Variants in CCDC91 observed in about 807,000 individuals in gnomAD.
CCDC91 encodes coiled-coil domain-containing protein 91.
In CCDC91, 48 loss-of-function variants were observed where a neutral mutation model predicts 63.2. The observed-to-expected ratio is 0.76, with a 90% CI of 0.60 to 0.97. CCDC91 has a LOEUF of 0.97. CCDC91 is among the 50% of genes least tolerant of loss of function. The pLI is 0.00. For synonymous variants in CCDC91, 167 were observed against 165.8 expected (o/e 1.01, Z -0.06); for missense variants, 500 against 494.6 (o/e 1.01, Z -0.10).
intron 3 of CCDC91, among the ~76,000 whole-genome samples, chr12:28,305,323 A>G (rs957241898): frequency 2.0e-5 from 3 of 151,876 alleles, no homozygotes; most frequent in African/African-American, 4.8e-5. Context: ...AATATATAAT[A>G]TATATATATG....
chr12:28,457,797 T>G (rs1950119793), intron 11 of CCDC91, among the ~76,000 whole-genome samples: 2 of 152,162 alleles, frequency 1.3e-5, no homozygotes, highest in South Asian at 4.2e-4. Context: ...CTTATTGATT[T>G]TCATATTAAA....
chr12:28,365,314 G>C (rs889850863), intron 7 of CCDC91, among the ~76,000 whole-genome samples: 90 of 152,176 alleles, frequency 5.9e-4, no homozygotes, highest in African/African-American at 2.1e-3. Flanking sequence ...TACCAGTATT[G>C]AAATTTATAC....
At chr12:28,235,632 T>C (rs1316809322) in intron 1 of CCDC91, among the ~76,000 whole-genome samples, 4 of 150,868 alleles carry the variant, frequency 2.7e-5, no homozygotes, top group African/African-American at 9.7e-5. Flanking sequence ...AGCTCAGTAA[T>C]GTGTATAGAT....
chr12:28,292,115 A>G (rs553402348), intron 3 of CCDC91, among the ~76,000 whole-genome samples: 4 of 152,326 alleles, frequency 2.6e-5, no homozygotes, highest in South Asian at 2.1e-4. Flanking sequence ...CATCATTTCC[A>G]TGGTCTAAAA....
chr12:28,267,774 T>TATTAC lies in CCDC91; in HGVS notation c.109+8332_109+8333insATTAC, dbSNP rs1565699379. ...TACTATATAATTATATATAATTATA[T>TATTAC]TATTAATATATAATTATATATAATT... is the stretch of plus-strand genomic sequence containing the variant. On this transcript the variant is annotated intron_variant, in intron 3 of 12. Transcript: ENST00000536442. Among the ~76,000 whole-genome samples the TATTAC allele has an allele frequency of 3.2e-3, 50 of 15,466 alleles. 11 individuals are homozygous for TATTAC. The highest frequency in any genetic ancestry group is 7.1e-3 in the East Asian group (2 of 280). The allele number at this position is 15,466 out of a possible 152,430, so 10.1% of individuals were successfully genotyped here. A position where few individuals can be genotyped will look rare whatever the true frequency, so the allele number is the denominator to read the frequency against.
At chr12:28,305,114 G>T (rs565054654) in intron 3 of CCDC91, among the ~76,000 whole-genome samples, 9 of 152,154 alleles carry the variant, frequency 5.9e-5, no homozygotes, top group African/African-American at 1.9e-4. Flanking sequence ...CAAAGTAATT[G>T]TTCTTTCCCC....
chr12:28,548,995 A>G, intron 12 of CCDC91, 68 bp from the exon 13 acceptor site: 1 of 1,073,056 alleles, frequency 9.3e-7, no homozygotes, highest in Non-Finnish European at 1.4e-6. Context: ...TCAGAGACAT[A>G]ATATTCTTTA....
At chr12:28,529,096 G>A (rs928474066) in intron 12 of CCDC91, among the ~76,000 whole-genome samples, 14 of 152,230 alleles carry the variant, frequency 9.2e-5, no homozygotes, top group African/African-American at 2.6e-4. Context: ...AGGTTGGATT[G>A]TGAGAGATTA....
chr12:28,522,002 A>G (rs973113081), intron 12 of CCDC91, among the ~76,000 whole-genome samples: 12 of 152,118 alleles, frequency 7.9e-5, no homozygotes, highest in African/African-American at 2.2e-4. Context: ...TTTTTGCATC[A>G]ATGTTCATCA....
chr12:28,399,300 C>T (rs76925155), intron 8 of CCDC91, among the ~76,000 whole-genome samples: 2,238 of 152,286 alleles, frequency 0.015, 27 homozygotes, highest in South Asian at 0.021. Context: ...CCCTTTAAAA[C>T]CATCAGATCT....
At chr12:28,529,642 A>G (rs1408159921) in intron 12 of CCDC91, among the ~76,000 whole-genome samples, 1 of 152,206 alleles carries the variant, frequency 6.6e-6, no homozygotes, top group African/African-American at 2.4e-5. Context: ...GGGGAACAGG[A>G]ATGTATGTGT....
chr12:28,386,628 A>C (rs1223097296), intron 7 of CCDC91, among the ~76,000 whole-genome samples: 1 of 152,132 alleles, frequency 6.6e-6, no homozygotes, highest in Non-Finnish European at 1.5e-5. Flanking sequence ...CGGCCTCCCA[A>C]AGTACTGGGA....
At chr12:28,367,402 A>G (rs1358131382) in intron 7 of CCDC91, among the ~76,000 whole-genome samples, 1 of 152,218 alleles carries the variant, frequency 6.6e-6, no homozygotes, top group Non-Finnish European at 1.5e-5. Context: ...TAAGGAAAGA[A>G]TCAGTAAATT....
intron 1 of CCDC91, among the ~76,000 whole-genome samples, chr12:28,232,492 T>C (rs1944665026): frequency 6.6e-6 from 1 of 152,128 alleles, no homozygotes; most frequent in African/African-American, 2.4e-5. Context: ...AATTCATCTT[T>C]GTATTCTATT....
intron 6 of CCDC91, among the ~76,000 whole-genome samples, chr12:28,320,096 A>G (rs1397826869): frequency 6.6e-6 from 1 of 151,966 alleles, no homozygotes; most frequent in Non-Finnish European, 1.5e-5. Flanking sequence ...ATGCTATGCT[A>G]TTATAATTAT....
chr12:28,193,996 G>T (rs1427201981), intron 1 of CCDC91, among the ~76,000 whole-genome samples: 1 of 152,156 alleles, frequency 6.6e-6, no homozygotes, highest in African/African-American at 2.4e-5. Flanking sequence ...TCTGTAGTTT[G>T]TCCTTTCATT....
intron 12 of CCDC91, among the ~76,000 whole-genome samples, chr12:28,525,981 A>C (rs1350534204): frequency 6.6e-6 from 1 of 151,986 alleles, no homozygotes; most frequent in Non-Finnish European, 1.5e-5. Context: ...AGTTTGTGTG[A>C]GTCCATATGT....
chr12:28,350,947 A>C (rs1488213793), intron 6 of CCDC91, among the ~76,000 whole-genome samples: 3 of 152,178 alleles, frequency 2.0e-5, no homozygotes, highest in Non-Finnish European at 1.5e-5. Context: ...ATTTCCAAAT[A>C]AGATTGCATT....
At chr12:28,353,528 C>T (rs1316103527) in intron 6 of CCDC91, among the ~76,000 whole-genome samples, 1 of 152,098 alleles carries the variant, frequency 6.6e-6, no homozygotes, top group African/African-American at 2.4e-5. Flanking sequence ...CTTTATCTGT[C>T]ATTTGAACAT....
Sources: gnomAD v4.1 joint callset for allele counts (sites outside exome capture counted in the v4.1 genomes callset) on GRCh38, gnomAD v4.1.1 for gene constraint, MANE v1.5 for transcripts, NCBI Gene and HGNC (gene_info 2026-07-23, HGNC 2026-07-21) for gene names.